The following IGHMBP2 variants were observed in gnomAD, a reference collection of about 807,000 sequenced individuals.
IGHMBP2 encodes DNA-binding protein SMUBP-2.
In IGHMBP2, 81 loss-of-function variants were observed where a neutral mutation model predicts 96.0. The observed-to-expected ratio is 0.84, with a 90% CI of 0.71 to 1.01. The LOEUF is 1.01. IGHMBP2 is among the 50% of genes least tolerant of loss of function. IGHMBP2 has a pLI of 0.00. For synonymous variants in IGHMBP2, 557 were observed against 548.9 expected (o/e 1.01, Z -0.21); for missense variants, 1,227 against 1,306.3 (o/e 0.94, Z 0.94).
chr11:68,930,578 G>C (rs931487973), intron 8 of IGHMBP2: 3 of 1,131,056 alleles, frequency 2.7e-6, no homozygotes, highest in Non-Finnish European at 3.4e-6. Flanking sequence ...TGGGGATCTA[G>C]AGTGGAAATG....
rs755082503 is a variant in IGHMBP2 at position 68,936,446 on chromosome 11, T to C, written c.1966T>C (p.Ser656Pro). Residue 656 changes from serine to proline, a missense_variant, in exon 13 of 15, where the codon TCC becomes CCC. By Grantham distance (74) the Ser-to-Pro change is moderately conservative. Around this residue, in one of 3 missense-constraint regions of IGHMBP2, gnomAD observed 703 missense variants for 770.3 expected, o/e 0.91. Coordinates refer to ENST00000255078, the MANE Select transcript of IGHMBP2 (RefSeq NM_002180.3). ...CCCAGAAAACTATTCCCATGAGAACTCCCAGGGTTCCAGCCACGCTGCCAC... is the reference window on the plus strand; with the variant it reads ...CCCAGAAAACTATTCCCATGAGAACCCCCAGGGTTCCAGCCACGCTGCCAC... Reference protein sequence around the residue: ...IVPENYSHENSQGSSHAATKP... With the variant: ...IVPENYSHENPQGSSHAATKP... 1.1e-5 allele frequency: 17 copies of C among 1,613,798 alleles called. No homozygotes were observed. In the African/African-American group the frequency reaches 1.3e-4, roughly 13 times the overall value.
At chr11:68,921,142 T>G (rs1858861684) in intron 7 of IGHMBP2, among the ~76,000 whole-genome samples, 1 of 151,306 alleles carries the variant, frequency 6.6e-6, no homozygotes, top group African/African-American at 2.4e-5. Context: ...TTGTTATATT[T>G]TCCTCCTCTT....
chr11:68,917,090 C>T (rs531620512), intron 6 of IGHMBP2, among the ~76,000 whole-genome samples: 1 of 147,934 alleles, frequency 6.8e-6, no homozygotes, highest in African/African-American at 2.5e-5. Flanking sequence ...AAGCAATTCT[C>T]CTGCCTCAGC....
intron 6 of IGHMBP2, 99 bp downstream of exon 6, chr11:68,915,122 T>G: frequency 1.1e-5 from 10 of 906,634 alleles, no homozygotes; most frequent in African/African-American, 1.7e-5. Context: ...TGACCTTCTC[T>G]TGCTTCTGTC....
chr11:68,934,666 G>A (rs988654819), intron 11 of IGHMBP2, 108 bp downstream of exon 11: 8 of 862,450 alleles, frequency 9.3e-6, no homozygotes, highest in Non-Finnish European at 1.3e-5. Context: ...AAAGTTCAGG[G>A]GTAGGGCTGA....
Position 68,937,202 on chromosome 11 carries a change from C to T in IGHMBP2, c.2611+111C>T, listed in dbSNP as rs533560423. On this transcript the variant is annotated intron_variant, in intron 13 of 14. Transcript: ENST00000255078. ...AGGAAGGGCTTCCTCCTGGTGGCAC[C>T]GTGCCCGTGTCATTTTAGCTTTATT... 1.6e-3 allele frequency: 2,098 copies of T among 1,331,410 alleles called. 3 individuals are homozygous for T. The highest frequency in any genetic ancestry group is 2.0e-3 in the Non-Finnish European group (1,914 of 945,728). 82.5% of individuals were successfully genotyped at this position (1,331,410 alleles called of 1,614,324 possible). A position where few individuals can be genotyped will look rare whatever the true frequency, so the allele number is the denominator to read the frequency against.
chr11:68,936,221 C>A lies in IGHMBP2; in HGVS notation c.1757-16C>A. 6.2e-7 allele frequency: 1 copy of A among 1,613,638 alleles called. No homozygotes were observed. ...AGTCTGAAACCTGCTTCTCACTCCC[C>A]TCTGGCCTTTTGTAGGTGAAGTTGG... is the stretch of plus-strand genomic sequence containing the variant. On this transcript the variant is annotated splice_polypyrimidine_tract_variant and intron_variant, in intron 12 of 14. Coordinates refer to ENST00000255078, the MANE Select transcript of IGHMBP2 (RefSeq NM_002180.3).
chr11:68,911,433 T>G lies in IGHMBP2; in HGVS notation c.548-7T>G. On this transcript the variant is annotated splice_polypyrimidine_tract_variant and splice_region_variant and intron_variant, in intron 4 of 14. Transcript: ENST00000255078. ...ACCTGAGCCTCACGCTGCTGCTTCT[T>G]CCACAGACCCGCTGACATTCTTCAA... The G allele has an allele frequency of 6.2e-7, 1 of 1,613,416 alleles. No homozygotes were observed. The highest frequency in any genetic ancestry group is 8.5e-7 in the Non-Finnish European group (1 of 1,179,906).
At chr11:68,905,102 T>G (rs1858137201) in intron 1 of IGHMBP2, among the ~76,000 whole-genome samples, 1 of 152,322 alleles carries the variant, frequency 6.6e-6, no homozygotes, top group Non-Finnish European at 1.5e-5. Context: ...GGCCGCAGTG[T>G]AGGTTTCTGT....
intron 9 of IGHMBP2, 57 bp from the exon 10 acceptor site, chr11:68,933,738 G>T: frequency 7.3e-7 from 1 of 1,373,184 alleles, no homozygotes; most frequent in East Asian, 2.3e-5. Context: ...CTGTTGGGTG[G>T]GGCCTCAGTG....
chr11:68,934,325 A>G, intron 10 of IGHMBP2, 139 bp from the exon 11 acceptor site: 1 of 712,636 alleles, frequency 1.4e-6, no homozygotes. Context: ...TGGGACACAG[A>G]TGATTAGCTC....
rs140221316 is a variant in IGHMBP2, at chr11:68,934,529, A to G, written c.1603A>G (p.Ile535Val). Residue 535 changes from isoleucine (I) to valine (V), a missense_variant, in exon 11 of 15, where the codon ATT (isoleucine) becomes GTT (valine). By Grantham distance (29) the Ile-to-Val change is conservative. Transcript: ENST00000255078. ...GGACGCTGGTGTTCCAGCCCGTGACATTGCTGTGGTCTCGCCATACAACCT... is the reference window on the plus strand; with the variant it reads ...GGACGCTGGTGTTCCAGCCCGTGACGTTGCTGTGGTCTCGCCATACAACCT... ...LVDAGVPARD[I>V]AVVSPYNLQV... 3.0e-4 allele frequency: 476 copies of G among 1,612,876 alleles called. 1 individual carries two copies. The African/African-American group carries it at 4.9e-3, about 16-fold the overall frequency.
intron 7 of IGHMBP2, among the ~76,000 whole-genome samples, chr11:68,925,970 C>T (rs11228411): frequency 2.0e-4 from 31 of 151,814 alleles, no homozygotes; most frequent in East Asian, 7.8e-4. Flanking sequence ...TGTTTAGATT[C>T]GTGTTTTTCA....
intron 14 of IGHMBP2, 135 bp from the exon 15 acceptor site, chr11:68,939,399 G>A (rs1207571120): frequency 3.2e-5 from 29 of 915,364 alleles, no homozygotes; most frequent in Non-Finnish European, 4.8e-5. Flanking sequence ...CCTGCAGGGT[G>A]AAGGACTGAC....
intron 7 of IGHMBP2, among the ~76,000 whole-genome samples, chr11:68,927,877 C>T (rs1248019250): frequency 6.6e-6 from 1 of 152,178 alleles, no homozygotes; most frequent in East Asian, 1.9e-4. Context: ...TGCTGGTTTT[C>T]ACCCTGACTT....
In IGHMBP2 at chr11:68,937,034, G is replaced by T; in HGVS notation, c.2554G>T (p.Glu852Ter). The T allele has an allele frequency of 6.2e-7, 1 of 1,607,494 alleles. No homozygotes were observed. Among genetic ancestry groups the T allele is most frequent in the South Asian group, 1.1e-5 (1 of 91,004 alleles). Reference protein sequence around the residue: ...RSAQGQPASKEQQASGQQKLP... With the variant: ...RSAQGQPASK The stretch of plus-strand genomic sequence containing the variant: ...CGCGCAGGGGCAGCCCGCCAGCAAG[G>T]AGCAGCAGGCCTCAGGGCAGCAGAA... The change falls in exon 13 of 15, where the codon GAG becomes TAG. Residue 852 changes from glutamate (E) to a stop codon, truncating the protein, a stop_gained. Transcript: ENST00000255078. LOFTEE classifies it high-confidence loss of function.
At chr11:68,930,322 G>A (rs747927204) in intron 8 of IGHMBP2, 38 of 1,289,690 alleles carry the variant, frequency 2.9e-5, no homozygotes, top group Non-Finnish European at 3.8e-5. Context: ...TGGGTGTGTA[G>A]AAGCTATGAA....
Position 68,903,992 on chromosome 11 carries a change from C to G in IGHMBP2, c.40C>G (p.Leu14Val). 1 of 1,551,684 alleles carries G rather than the reference C, an allele frequency of 6.4e-7. No homozygotes were observed. The highest frequency in any genetic ancestry group is 1.2e-5 in the South Asian group (1 of 84,520). ...AAVESFVTKQ[L>V]DLLELERDAE... ...TGTGGAGAGCTTCGTGACCAAGCAA[C>G]TGGACCTGCTGGAGCTTGAGAGAGA... is the stretch of plus-strand genomic sequence containing the variant. Residue 14 changes from leucine (L) to valine (V), a missense_variant, in exon 1 of 15, where the codon CTG (leucine) becomes GTG (valine). Transcript: ENST00000255078.
intron 8 of IGHMBP2, chr11:68,929,605 C>T (rs184500366): frequency 7.2e-4 from 309 of 428,944 alleles, no homozygotes; most frequent in African/African-American, 6.1e-3. Flanking sequence ...GGGCCTGGCA[C>T]GTTTCTGGTG....
Sources: allele counts gnomAD v4.1 joint callset (sites outside exome capture counted in the v4.1 genomes callset), GRCh38; gene constraint gnomAD v4.1.1; regional missense constraint gnomAD v4.1.1; transcripts MANE v1.5; gene names NCBI Gene and HGNC (gene_info 2026-07-23, HGNC 2026-07-21).